The following SORCS2 variants were observed in gnomAD, a reference collection of about 807,000 sequenced individuals.
SORCS2 encodes VPS10 domain-containing receptor SorCS2.
In SORCS2, 100 loss-of-function variants were observed where a neutral mutation model predicts 141.6. The ratio of observed to expected loss-of-function variants is 0.71; its 90% CI spans 0.60 to 0.83. SORCS2 has a LOEUF of 0.83. Among genes scored for constraint, SORCS2 ranks in the 40% least tolerant of loss-of-function variants. The pLI is 0.00. For missense variants in SORCS2, 1,646 were observed against 1,560.2 expected (o/e 1.05, Z -0.93); for synonymous variants, 789 against 676.9 (o/e 1.17, Z -2.57).
chr4:7,714,184 T>C, intron 15 of SORCS2, 56 bp from the exon 16 acceptor site: 1 of 1,572,032 alleles, frequency 6.4e-7, no homozygotes, highest in Non-Finnish European at 8.6e-7. Flanking sequence ...GCACAAGGCC[T>C]TGTAGAGCAG....
intron 1 of SORCS2, among the ~76,000 whole-genome samples, chr4:7,204,346 G>C (rs1727624240): frequency 6.6e-6 from 1 of 152,032 alleles, no homozygotes; most frequent in South Asian, 2.1e-4. Flanking sequence ...CTCCCAAATA[G>C]CTGGGAGTGC....
intron 1 of SORCS2, among the ~76,000 whole-genome samples, chr4:7,295,829 A>G (rs113313696): frequency 1.1e-4 from 16 of 152,280 alleles, no homozygotes; most frequent in Admixed American, 3.3e-4. Flanking sequence ...CACCTCTCCC[A>G]CCTGGGATTG....
chr4:7,445,824 T>G (rs1172690224), intron 2 of SORCS2, among the ~76,000 whole-genome samples: 2 of 152,096 alleles, frequency 1.3e-5, no homozygotes, highest in African/African-American at 4.8e-5. Flanking sequence ...GGCCCAGGGA[T>G]GGCCAGCTGC....
chr4:7,428,321 G>T (rs1201590509), intron 2 of SORCS2, among the ~76,000 whole-genome samples: 1 of 152,220 alleles, frequency 6.6e-6, no homozygotes, highest in African/African-American at 2.4e-5. Context: ...GCTGAAAGTG[G>T]TCCCAGAAGA....
At chr4:7,482,004 G>A (rs56377216) in intron 2 of SORCS2, among the ~76,000 whole-genome samples, 3,888 of 78,918 alleles carry the variant, frequency 0.049, 195 homozygotes, top group East Asian at 0.25. Context: ...GACACCCCTG[G>A]CTGCTGTTCA....
At chr4:7,327,938 T>A (rs1013825389) in intron 1 of SORCS2, among the ~76,000 whole-genome samples, 2 of 151,530 alleles carry the variant, frequency 1.3e-5, no homozygotes, top group Non-Finnish European at 2.9e-5. Context: ...CGGACTCTAC[T>A]ATGACACGTC....
intron 3 of SORCS2, among the ~76,000 whole-genome samples, chr4:7,533,954 G>A (rs1711885041): frequency 6.6e-6 from 1 of 152,186 alleles, no homozygotes; most frequent in Admixed American, 6.5e-5. Flanking sequence ...GTGCTCAATA[G>A]AACTTCCTCT....
At chr4:7,230,832 G>A (rs1180477752) in intron 1 of SORCS2, among the ~76,000 whole-genome samples, 1 of 151,624 alleles carries the variant, frequency 6.6e-6, no homozygotes, top group Non-Finnish European at 1.5e-5. Flanking sequence ...GCAGTGTGGT[G>A]TGCTCATGTA....
At chr4:7,403,636 G>A (rs1270271870) in intron 2 of SORCS2, among the ~76,000 whole-genome samples, 1 of 151,906 alleles carries the variant, frequency 6.6e-6, no homozygotes, top group Non-Finnish European at 1.5e-5. Context: ...CTTTACGGTA[G>A]GATTTATCAG....
At chr4:7,316,375 C>T (rs1040492761) in intron 1 of SORCS2, among the ~76,000 whole-genome samples, 6 of 152,194 alleles carry the variant, frequency 3.9e-5, no homozygotes, top group African/African-American at 1.4e-4. Flanking sequence ...GGAAGAAACA[C>T]AGAAAGGATT....
intron 1 of SORCS2, among the ~76,000 whole-genome samples, chr4:7,348,560 T>C (rs2109001341): frequency 6.6e-6 from 1 of 152,302 alleles, no homozygotes; most frequent in Admixed American, 6.5e-5. Context: ...TTGTTGTTTT[T>C]TGTATTTTGA....
chr4:7,407,247 C>G lies in SORCS2; in HGVS notation c.548+10892C>G, dbSNP rs575192230. ...TTTGTTGATCTTCTGTCTGGGTGAT[C>G]TGTCCATAGCTGCTCATAACTGAGA... On this transcript the variant is annotated intron_variant, in intron 2 of 26. Coordinates refer to ENST00000507866, the MANE Select transcript of SORCS2 (RefSeq NM_020777.3). Among the ~76,000 whole-genome samples, 4 of 152,170 alleles carry G rather than the reference C, an allele frequency of 2.6e-5. No individual in the cohort carries two copies. In the East Asian group the frequency reaches 5.8e-4, roughly 22 times the overall value.
intron 1 of SORCS2, among the ~76,000 whole-genome samples, chr4:7,338,862 C>G (rs13328080): frequency 0.5 from 76,044 of 152,048 alleles, 19,245 homozygotes; most frequent in East Asian, 0.56. Flanking sequence ...CCTGGGCCTC[C>G]AAGGCTCTGT....
chr4:7,547,843 G>A (rs1243406213), intron 3 of SORCS2, among the ~76,000 whole-genome samples: 1 of 152,194 alleles, frequency 6.6e-6, no homozygotes, highest in Non-Finnish European at 1.5e-5. Flanking sequence ...CCGGCACCTG[G>A]CACCCTGCCT....
intron 14 of SORCS2, among the ~76,000 whole-genome samples, chr4:7,708,828 G>C (rs1462071267): frequency 6.6e-6 from 1 of 152,212 alleles, no homozygotes; most frequent in East Asian, 1.9e-4. Context: ...GGAGTGGTGG[G>C]AGGATGGGGA....
At chr4:7,545,076 C>T (rs1713143249) in intron 3 of SORCS2, among the ~76,000 whole-genome samples, 1 of 151,576 alleles carries the variant, frequency 6.6e-6, no homozygotes, top group South Asian at 2.1e-4. Flanking sequence ...CTGGAAACTT[C>T]AGCCCTAATA....
chr4:7,621,730 C>T (rs951514601), intron 3 of SORCS2, among the ~76,000 whole-genome samples: 1 of 152,232 alleles, frequency 6.6e-6, no homozygotes, highest in African/African-American at 2.4e-5. Context: ...TAATCAAAGA[C>T]AGGTTGCCGG....
chr4:7,406,090 A>ATT (rs1724951573), intron 2 of SORCS2, among the ~76,000 whole-genome samples: 1 of 152,156 alleles, frequency 6.6e-6, no homozygotes, highest in Non-Finnish European at 1.5e-5. Context: ...CTTGGTACAA[A>ATT]ATCCACTTGA....
intron 3 of SORCS2, among the ~76,000 whole-genome samples, chr4:7,595,135 C>A (rs1000474050): frequency 4.6e-5 from 7 of 152,172 alleles, no homozygotes; most frequent in African/African-American, 1.7e-4. Flanking sequence ...ACGGCCTCCT[C>A]CTCGTGTGTA....
Sources: gnomAD v4.1 joint callset for allele counts (sites outside exome capture counted in the v4.1 genomes callset) on GRCh38, gnomAD v4.1.1 for gene constraint, MANE v1.5 for transcripts, NCBI Gene and HGNC (gene_info 2026-07-23, HGNC 2026-07-21) for gene names.